The following CHAF1A variants were observed in gnomAD, a reference collection of about 807,000 sequenced individuals.
CHAF1A encodes the protein CAF-1 subunit A.
Under a neutral mutation model 93.2 loss-of-function variants are expected in CHAF1A, and 5 were observed. The ratio of observed to expected loss-of-function variants is 0.05; its 90% CI spans 0.03 to 0.11. The LOEUF (loss-of-function observed/expected upper bound fraction) is 0.11. CHAF1A is among the 10% of genes least tolerant of loss of function. The pLI, the probability that CHAF1A is intolerant of heterozygous loss-of-function variation, is 1.00. For synonymous variants in CHAF1A, 504 were observed against 510.3 expected (o/e 0.99, Z 0.17); for missense variants, 1,102 against 1,259.9 (o/e 0.87, Z 1.90).
chr19:4,445,648 C>CT, downstream of CHAF1A: 2 of 1,603,638 alleles, frequency 1.2e-6, no homozygotes, highest in South Asian at 2.2e-5. Flanking sequence ...GGCCGTCACT[C>CT]TGAGACCGAG....
chr19:4,421,809 G>T (rs1394138328), intron 4 of CHAF1A, among the ~76,000 whole-genome samples: 1 of 152,078 alleles, frequency 6.6e-6, no homozygotes, highest in Non-Finnish European at 1.5e-5. Context: ...TAAAGTTGTT[G>T]ACTGGAGGCT....
In CHAF1A at chr19:4,443,396, G is replaced by A. The variant is rs1974435147; in HGVS notation, c.*371G>A. 4.4e-6 allele frequency: 1 copy of A among 228,710 alleles called. No individual in the cohort carries two copies. Among genetic ancestry groups the A allele is most frequent in the African/African-American group, 2.3e-5 (1 of 43,104 alleles). 14.2% of individuals were successfully genotyped at this position (228,710 alleles called of 1,614,324 possible). ...GTGTATAAACTTATTCTCTAGCCCT[G>A]AGCTGCTCTGTCTGTCTTTTCCGAA... On this transcript the variant is annotated 3_prime_UTR_variant, in exon 15 of 15. Transcript: ENST00000301280.
At chr19:4,406,208 T>C (rs1173744866) in intron 2 of CHAF1A, among the ~76,000 whole-genome samples, 1 of 152,220 alleles carries the variant, frequency 6.6e-6, no homozygotes, top group Non-Finnish European at 1.5e-5. Context: ...CTGTATGTTG[T>C]AGGGAGCGTA....
At chr19:4,423,543 G>A in intron 6 of CHAF1A, 148 bp downstream of exon 6, 1 of 1,405,406 alleles carries the variant, frequency 7.1e-7, no homozygotes, top group Non-Finnish European at 9.6e-7. Context: ...CTGTCTAGAT[G>A]CGTTCTTGTT....
chr19:4,441,631 G>C (rs1170468401), intron 13 of CHAF1A, among the ~76,000 whole-genome samples: 1 of 150,496 alleles, frequency 6.6e-6, no homozygotes, highest in Non-Finnish European at 1.5e-5. Flanking sequence ...TAAAGGCCAG[G>C]CATGGTGGCT....
chr19:4,427,483 G>A (rs111825065), intron 7 of CHAF1A, among the ~76,000 whole-genome samples: 2,605 of 137,524 alleles, frequency 0.019, 18 homozygotes, highest in Non-Finnish European at 0.027. Context: ...CGTGATCTGG[G>A]CTCACTGCAA....
At chr19:4,444,953 T>G (rs243385), downstream of CHAF1A, 96,410 of 154,336 alleles carry the variant, frequency 0.62, 30,532 homozygotes, top group Admixed American at 0.74. Flanking sequence ...CATCCGCTCT[T>G]CAGCAGGTGG....
Position 4,433,236 on chromosome 19 carries a change from C to T in CHAF1A, c.2370C>T (p.Ala790=), listed in dbSNP as rs769845788. ...ACACCCCCACCCCCAGCGAGGATGC[C>T]GCCATCCCCTCTAAGTCCCGGCTCA... ...YLHTPTPSED[A]AIPSKSRLKR... The change falls in exon 13 of 15, where the codon GCC becomes GCT. Residue 790 remains alanine (A), a synonymous_variant. Coordinates refer to ENST00000301280, the MANE Select transcript of CHAF1A (RefSeq NM_005483.3). The surrounding 1 kb of genome is among the most constrained non-coding windows in gnomAD (Gnocchi z 5.6). 9.9e-6 allele frequency: 16 copies of T among 1,614,058 alleles called. No individual in the cohort carries two copies. Among genetic ancestry groups the T allele is most frequent in the South Asian group, 9.9e-5 (9 of 91,082 alleles).
chr19:4,444,006 G>A (rs528561738), downstream of CHAF1A, among the ~76,000 whole-genome samples: 2 of 152,310 alleles, frequency 1.3e-5, no homozygotes, highest in African/African-American at 4.8e-5. Context: ...GGGACGGCAG[G>A]GCGCCCGGGC....
At chr19:4,447,478 C>T (rs1325598139), downstream of CHAF1A, 4 of 1,559,594 alleles carry the variant, frequency 2.6e-6, no homozygotes, top group Non-Finnish European at 3.5e-6. Flanking sequence ...CTGGTGTGGG[C>T]CACCACCGGC....
chr19:4,406,057 G>A, intron 2 of CHAF1A, 95 bp downstream of exon 2: 1 of 957,212 alleles, frequency 1.0e-6, no homozygotes, highest in African/African-American at 1.6e-5. Flanking sequence ...AGCTAGAGGG[G>A]AGAGAAACAG....
chr19:4,448,148 C>T, downstream of CHAF1A: 1 of 633,738 alleles, frequency 1.6e-6, no homozygotes, highest in Non-Finnish European at 2.8e-6. Context: ...CCAAGGAGGC[C>T]CAGCCCTTTG....
chr19:4,441,625 G>T (rs1284912259), intron 13 of CHAF1A, among the ~76,000 whole-genome samples: 1 of 148,960 alleles, frequency 6.7e-6, no homozygotes, highest in East Asian at 2.0e-4. Context: ...AAAAAATAAA[G>T]GCCAGGCATG....
downstream of CHAF1A, chr19:4,445,837 C>T: frequency 9.6e-7 from 1 of 1,044,816 alleles, no homozygotes; most frequent in Non-Finnish European, 1.3e-6. Flanking sequence ...CGTCACCGCT[C>T]CCATTTGATG....
At chr19:4,443,833 C>A (rs146977042), downstream of CHAF1A, among the ~76,000 whole-genome samples, 4 of 152,186 alleles carry the variant, frequency 2.6e-5, no homozygotes, top group African/African-American at 9.7e-5. Flanking sequence ...GGAGGACAGG[C>A]GACAGCCGCT....
chr19:4,415,601 C>G (rs1373683355), intron 3 of CHAF1A, among the ~76,000 whole-genome samples: 1 of 152,146 alleles, frequency 6.6e-6, no homozygotes, highest in Admixed American at 6.6e-5. Context: ...GCTGGAGAGA[C>G]AGATGCTTTT....
Position 4,402,759 on chromosome 19 carries a change from GGCGAT to G in CHAF1A, c.-1_4del, listed in dbSNP as rs1973606090. ...TGAGAGGAGGTCGAGCTGCCGCCGG[GGCGAT>G]GCTGGAGGAGCTGGAGTGCGGGGCG... On this transcript the variant is annotated start_lost and 5_prime_UTR_variant, in exon 1 of 15. Coordinates refer to ENST00000301280, the MANE Select transcript of CHAF1A (RefSeq NM_005483.3). 26 of 1,203,614 alleles carry G rather than the reference GGCGAT, an allele frequency of 2.2e-5. No individual in the cohort carries two copies. The South Asian group carries it at 1.1e-3, about 50-fold the overall frequency. The allele number at this position is 1,203,614 out of a possible 1,614,324, so 74.6% of individuals were successfully genotyped here.
chr19:4,449,635 G>A (rs553814581), downstream of CHAF1A: 11 of 152,426 alleles, frequency 7.2e-5, no homozygotes, highest in African/African-American at 2.6e-4. Flanking sequence ...CGGGCGTTTT[G>A]GGCGACTGGC....
chr19:4,445,632 G>A (rs1974493532), downstream of CHAF1A: 4 of 1,611,262 alleles, frequency 2.5e-6, no homozygotes, highest in South Asian at 4.4e-5. Context: ...ACCTGCGGTA[G>A]GGGTAGGCCG....
Sources: gnomAD v4.1 joint callset for allele counts (sites outside exome capture counted in the v4.1 genomes callset) on GRCh38, gnomAD v4.1.1 for gene constraint, Gnocchi (gnomAD v3.1) non-coding constraint, MANE v1.5 for transcripts, NCBI Gene and HGNC (gene_info 2026-07-23, HGNC 2026-07-21) for gene names.